ADAMTSL1: variants seen among roughly 807,000 people sequenced by gnomAD.
ADAMTSL1 encodes ADAMTS-like protein 1.
A neutral mutation model predicts 201.8 loss-of-function variants in ADAMTSL1; 126 were observed. The observed-to-expected ratio is 0.62, with a 90% CI of 0.54 to 0.72. The LOEUF (loss-of-function observed/expected upper bound fraction) is 0.72. Ranked by LOEUF, ADAMTSL1 falls within the 30% of genes least tolerant of loss-of-function variation. ADAMTSL1 has a pLI of 0.00. For missense variants in ADAMTSL1, 2,679 were observed against 2,277.8 expected (o/e 1.18, Z -3.59); for synonymous variants, 1,121 against 903.4 (o/e 1.24, Z -4.32).
chr9:18,565,518 A>G (rs7849918), intron 3 of ADAMTSL1, among the ~76,000 whole-genome samples: 37,887 of 150,830 alleles, frequency 0.25, 5,177 homozygotes, highest in East Asian at 0.59. Flanking sequence ...TTTAAACTAT[A>G]CCTAGTATAC....
At chr9:18,739,540 G>C (rs1406333225) in intron 15 of ADAMTSL1, among the ~76,000 whole-genome samples, 3 of 152,108 alleles carry the variant, frequency 2.0e-5, no homozygotes, top group Admixed American at 1.3e-4. Flanking sequence ...ATTTATTCAG[G>C]CTTCATTCTG....
intron 1 of ADAMTSL1, among the ~76,000 whole-genome samples, chr9:17,988,339 T>C (rs1004464841): frequency 6.6e-6 from 1 of 152,042 alleles, no homozygotes; most frequent in Non-Finnish European, 1.5e-5. Flanking sequence ...AAATTTAACA[T>C]TGGGTTTCAA....
chr9:18,868,450 A>G (rs917492873), intron 23 of ADAMTSL1, among the ~76,000 whole-genome samples: 8 of 152,156 alleles, frequency 5.3e-5, no homozygotes, highest in Non-Finnish European at 1.0e-4. Context: ...GTTTTCTTCT[A>G]TTAGTTAAGT....
intron 1 of ADAMTSL1, among the ~76,000 whole-genome samples, chr9:18,063,802 G>A (rs1822570408): frequency 6.6e-6 from 1 of 152,144 alleles, no homozygotes; most frequent in Non-Finnish European, 1.5e-5. Context: ...TCTTTGGGCT[G>A]AGTGATTTGG....
chr9:18,709,450 T>C (rs1451599598), intron 14 of ADAMTSL1, among the ~76,000 whole-genome samples: 1 of 152,196 alleles, frequency 6.6e-6, no homozygotes, highest in Non-Finnish European at 1.5e-5. Context: ...GCTAATTTTA[T>C]TGTTTTTGTA....
chr9:18,876,333 T>TGTGTGTGTGTGA (rs1340134785), intron 23 of ADAMTSL1, among the ~76,000 whole-genome samples: 1 of 151,474 alleles, frequency 6.6e-6, no homozygotes, highest in African/African-American at 2.4e-5. Flanking sequence ...TGTGTGTGCG[T>TGTGTGTGTGTGA]GATTGTTTTA....
At chr9:18,251,054 T>G (rs184057899) in intron 2 of ADAMTSL1, among the ~76,000 whole-genome samples, 154 of 151,960 alleles carry the variant, frequency 1.0e-3, no homozygotes, top group Admixed American at 2.9e-3. Context: ...AGCACAGAAC[T>G]GTCAGGAAGA....
At chr9:17,965,338 T>G (rs1817942550) in intron 1 of ADAMTSL1, among the ~76,000 whole-genome samples, 1 of 152,174 alleles carries the variant, frequency 6.6e-6, no homozygotes, top group Admixed American at 6.6e-5. Context: ...CATTTTGTAC[T>G]TTGTACCTCT....
At chr9:18,551,503 G>A (rs1366158318) in intron 3 of ADAMTSL1, among the ~76,000 whole-genome samples, 1 of 150,382 alleles carries the variant, frequency 6.6e-6, no homozygotes, top group Non-Finnish European at 1.5e-5. Context: ...GTAAAATTAT[G>A]AGAAGAGATT....
At chr9:17,951,097 A>G (rs1289383435) in intron 1 of ADAMTSL1, among the ~76,000 whole-genome samples, 6 of 152,182 alleles carry the variant, frequency 3.9e-5, no homozygotes. Flanking sequence ...CCTTCCCTCC[A>G]TCTTCCTTGT....
chr9:18,051,033 G>A (rs1821909476), intron 1 of ADAMTSL1, among the ~76,000 whole-genome samples: 1 of 152,152 alleles, frequency 6.6e-6, no homozygotes, highest in Admixed American at 6.5e-5. Context: ...CGGGTGCAGT[G>A]GCTCACGCCT....
chr9:18,708,528 G>A (rs1396334038), intron 14 of ADAMTSL1, among the ~76,000 whole-genome samples: 1 of 152,222 alleles, frequency 6.6e-6, no homozygotes, highest in Non-Finnish European at 1.5e-5. Flanking sequence ...CTTAATGAGA[G>A]AGAAGTGTTA....
chr9:18,485,990 G>C (rs1006433641), intron 1 of ADAMTSL1, among the ~76,000 whole-genome samples: 4 of 152,326 alleles, frequency 2.6e-5, no homozygotes, highest in Admixed American at 2.0e-4. Flanking sequence ...CATAGTTACT[G>C]GTAGCAAAAA....
At chr9:18,291,622 C>T (rs891931829) in intron 2 of ADAMTSL1, among the ~76,000 whole-genome samples, 1 of 151,936 alleles carries the variant, frequency 6.6e-6, no homozygotes, top group Non-Finnish European at 1.5e-5. Context: ...CTACTGGATT[C>T]TTGCCCACCA....
At chr9:18,197,740 G>A (rs1054931546) in intron 2 of ADAMTSL1, among the ~76,000 whole-genome samples, 1 of 151,548 alleles carries the variant, frequency 6.6e-6, no homozygotes, top group African/African-American at 2.4e-5. Flanking sequence ...GTGAGAGAGG[G>A]CATCCCTGTC....
intron 16 of ADAMTSL1, among the ~76,000 whole-genome samples, chr9:18,756,334 C>G (rs1819771507): frequency 6.8e-6 from 1 of 147,190 alleles, no homozygotes; most frequent in Non-Finnish European, 1.5e-5. Context: ...AATCTCTAAA[C>G]CTGGAGTAAA....
At chr9:18,320,766 G>A (rs1268040138) in intron 2 of ADAMTSL1, among the ~76,000 whole-genome samples, 1 of 152,116 alleles carries the variant, frequency 6.6e-6, no homozygotes, top group Non-Finnish European at 1.5e-5. Flanking sequence ...TTCCTGTGAA[G>A]AAGTATAATA....
chr9:18,080,656 T>C (rs1281592879), intron 1 of ADAMTSL1, among the ~76,000 whole-genome samples: 1 of 152,244 alleles, frequency 6.6e-6, no homozygotes, highest in African/African-American at 2.4e-5. Context: ...AAGCTATTAC[T>C]TTATGAGACA....
chr9:18,474,647 C>T (rs1157797260), intron 1 of ADAMTSL1, among the ~76,000 whole-genome samples: 1 of 152,108 alleles, frequency 6.6e-6, no homozygotes, highest in Admixed American at 6.6e-5. Context: ...AAATTAAACT[C>T]ACTCACTGTG....
Sources: gnomAD v4.1 joint callset for allele counts (sites outside exome capture counted in the v4.1 genomes callset) on GRCh38, gnomAD v4.1.1 for gene constraint, MANE v1.5 for transcripts, NCBI Gene and HGNC (gene_info 2026-07-23, HGNC 2026-07-21) for gene names.